The following PARG variants were observed in gnomAD, a reference collection of about 807,000 sequenced individuals.
PARG encodes the protein mitochondrial poly(ADP-ribose) glycohydrolase.
In PARG, 35 loss-of-function variants were observed where a neutral mutation model predicts 113.0. The ratio of observed to expected loss-of-function variants is 0.31; its 90% confidence interval spans 0.24 to 0.41. The LOEUF is 0.41. Ranked by LOEUF, PARG falls within the 10% of genes least tolerant of loss-of-function variation. The pLI, the probability that PARG is intolerant of heterozygous loss-of-function variation, is 1.00. For synonymous variants in PARG, 330 were observed against 409.9 expected, an observed-to-expected ratio of 0.81 and a Z score of 2.36; for missense variants, 797 against 1,169.4, an observed-to-expected ratio of 0.68 and a Z score of 4.64.
At chr10:49,929,084 TG>T (rs1303295917) in intron 4 of PARG, among the ~76,000 whole-genome samples, 1 of 152,126 alleles carries the variant, frequency 6.6e-6, no homozygotes, top group Non-Finnish European at 1.5e-5. Flanking sequence ...TCAAGGGTCC[TG>T]GGTATCTAAG....
intron 4 of PARG, among the ~76,000 whole-genome samples, chr10:49,931,527 A>G (rs1484374099): frequency 1.3e-5 from 2 of 151,972 alleles, no homozygotes; most frequent in East Asian, 3.9e-4. Context: ...GAACTGACTC[A>G]GCACAAGAGG....
chr10:49,890,830 T>C (rs1157576502), intron 7 of PARG, among the ~76,000 whole-genome samples: 9 of 152,266 alleles, frequency 5.9e-5, no homozygotes, highest in African/African-American at 1.9e-4. Flanking sequence ...TGTGCTCTAA[T>C]ATTTATGAAA....
At chr10:49,878,036 CAGT>C (rs200327974) in intron 9 of PARG, among the ~76,000 whole-genome samples, 28,750 of 151,914 alleles carry the variant, frequency 0.19, 3,206 homozygotes, top group Non-Finnish European at 0.27. Flanking sequence ...AACTGATCAC[CAGT>C]AATAAGAAGT....
At chr10:49,865,736 G>A (rs1369929404) in intron 10 of PARG, among the ~76,000 whole-genome samples, 1 of 149,420 alleles carries the variant, frequency 6.7e-6, no homozygotes, top group Non-Finnish European at 1.5e-5. Context: ...TTGAAAAAAA[G>A]GATGTATAAC....
rs572818694 is a variant in PARG, at chr10:49,819,443, C to G, written c.2828G>C (p.Cys943Ser). Residue 943 changes from cysteine (C) to serine (S), a missense_variant, in exon 18 of 18, where the codon TGT becomes TCT. This residue lies in a region of PARG where 194 missense variants were observed against 247.1 expected (regional missense o/e 0.79). Coordinates refer to ENST00000616448, the MANE Select transcript of PARG (RefSeq NM_003631.5). The stretch of plus-strand genomic sequence containing the variant: ...CTTGATGTCTGGTCCAGGGGTGGAA[C>G]AGTTTCTGCATTCTTCATTGTAGTA... The part of the protein sequence containing the change: ...LRYYNEECRN[C>S]STPGPDIKLY... 1 of 1,551,314 alleles carries G rather than the reference C, an allele frequency of 6.4e-7. No homozygotes were observed. Among genetic ancestry groups the G allele is most frequent in the South Asian group, 1.2e-5 (1 of 84,046 alleles).
rs1845555910 is a variant in PARG at position 49,847,262 on chromosome 10, T to A, written c.2354-3630A>T. Among the ~76,000 whole-genome samples the A allele has an allele frequency of 3.9e-5, 6 of 152,350 alleles. No individual in the cohort carries two copies. In the South Asian group the frequency reaches 1.0e-3, roughly 26 times the overall value. ...AGGTGAAGGTTTGATGAGGACAAGA[T>A]GTTTACAGTTTCAAAGTATATAAAA... On this transcript the variant is annotated intron_variant, in intron 13 of 17. Transcript: ENST00000616448.
In PARG at chr10:49,922,679, A is replaced by G. The variant is rs781842204; in HGVS notation, c.1456-10T>C. 8.8e-5 allele frequency: 135 copies of G among 1,536,118 alleles called. No homozygotes were observed. Among genetic ancestry groups the G allele is most frequent in the Non-Finnish European group, 1.2e-4 (133 of 1,131,174 alleles). Reference sequence around the variant, plus strand: ...CTCGCAAAAGATCTACCTGAAATTGAGGGTAAACAAAATTGTCAGTGCATA... The same window carrying G: ...CTCGCAAAAGATCTACCTGAAATTGGGGGTAAACAAAATTGTCAGTGCATA... On this transcript the variant is annotated splice_polypyrimidine_tract_variant and intron_variant, in intron 4 of 17. Transcript: ENST00000616448.
At chr10:49,869,671 A>G in intron 9 of PARG, 116 bp from the exon 10 acceptor site, 1 of 601,722 alleles carries the variant, frequency 1.7e-6, no homozygotes, top group Non-Finnish European at 3.0e-6. Context: ...CCAGAAGACA[A>G]TTCTGTAATG....
intron 16 of PARG, among the ~76,000 whole-genome samples, chr10:49,831,138 T>C (rs150873612): frequency 2.0e-5 from 3 of 152,234 alleles, no homozygotes; most frequent in African/African-American, 4.8e-5. Context: ...GTTACATACA[T>C]TGCTACTGAG....
chr10:49,934,161 A>G lies in PARG; in HGVS notation c.287T>C (p.Leu96Ser). ...KGIKTAESES[L>S]DSKENNNTRI... ...TGTATTGTTGTTTTCTTTACTATCC[A>G]AACTACAAGAGAACAGAAAGAACTA... Residue 96 changes from leucine to serine, a missense_variant and splice_region_variant, in exon 3 of 18, where the codon TTG becomes TCG. Physicochemically the swap from Leu to Ser is moderately radical, Grantham distance 145. Around this residue, in one of 5 missense-constraint regions of PARG, gnomAD observed 284 missense variants for 306.1 expected, o/e 0.93. Transcript: ENST00000616448. 2.0e-6 allele frequency: 2 copies of G among 1,008,552 alleles called. No individual in the cohort carries two copies. The highest frequency in any genetic ancestry group is 3.5e-5 in the Admixed American group (2 of 56,630). The allele number at this position is 1,008,552 out of a possible 1,614,324, so 62.5% of individuals were successfully genotyped here.
chr10:49,844,622 CAAA>C (rs34659290), intron 13 of PARG, among the ~76,000 whole-genome samples: 9 of 111,170 alleles, frequency 8.1e-5, no homozygotes, highest in African/African-American at 1.0e-4. Flanking sequence ...GACTCCATCT[CAAA>C]AAAAAAAAAA....
At position 49,868,364 on chromosome 10, in the gene PARG, T is replaced by C. The variant is rs140729228; in HGVS notation, c.2068+1112A>G. Among the ~76,000 whole-genome samples the C allele has an allele frequency of 2.4e-3, 369 of 152,322 alleles. 3 individuals are homozygous for C. The highest frequency in any genetic ancestry group is 7.8e-3 in the African/African-American group (324 of 41,574). Reference sequence around the variant, plus strand: ...TCTCATAGGTCCAAATGATTCTGCATTGTAATATTTCATTCAGTACAGGGC... The same window carrying C: ...TCTCATAGGTCCAAATGATTCTGCACTGTAATATTTCATTCAGTACAGGGC... On this transcript the variant is annotated intron_variant, in intron 10 of 17. Coordinates refer to ENST00000616448, the MANE Select transcript of PARG (RefSeq NM_003631.5).
chr10:49,922,193 T>C, intron 6 of PARG, 143 bp downstream of exon 6: 1 of 765,776 alleles, frequency 1.3e-6, no homozygotes. Context: ...TAGTAGAATG[T>C]CTCTAAGGGG....
At chr10:49,825,858 T>C (rs1489479408) in intron 16 of PARG, among the ~76,000 whole-genome samples, 1 of 152,214 alleles carries the variant, frequency 6.6e-6, no homozygotes, top group Non-Finnish European at 1.5e-5. Context: ...TAAAGCCATT[T>C]TCCAAGTCCA....
At position 49,934,064 on chromosome 10, in the gene PARG, A is replaced by T; in HGVS notation, c.384T>A (p.Asn128Lys). ...FYQHNVEKLENVSQLSLDKSP... is the reference protein window; with the variant it reads ...FYQHNVEKLEKVSQLSLDKSP... ...ACTTATCAAGACTTAGCTGAGAAAC[A>T]TTTTCTAATTTTTCTACATTATGTT... The change falls in exon 3 of 18, where the codon AAT becomes AAA. Residue 128 changes from asparagine to lysine, a missense_variant. Physicochemically the swap from Asn to Lys is moderately conservative, Grantham distance 94. Coordinates refer to ENST00000616448, the MANE Select transcript of PARG (RefSeq NM_003631.5). 6.3e-7 allele frequency: 1 copy of T among 1,577,112 alleles called. No homozygotes were observed. Among genetic ancestry groups the T allele is most frequent in the Non-Finnish European group, 8.7e-7 (1 of 1,146,324 alleles).
At chr10:49,936,287 G>T (rs1838732522) in intron 1 of PARG, among the ~76,000 whole-genome samples, 1 of 152,172 alleles carries the variant, frequency 6.6e-6, no homozygotes, top group African/African-American at 2.4e-5. Flanking sequence ...TAAGCTTTGA[G>T]CTTGAGAGAC....
At chr10:49,862,001 T>C (rs1473963335) in intron 11 of PARG, among the ~76,000 whole-genome samples, 1 of 151,998 alleles carries the variant, frequency 6.6e-6, no homozygotes, top group Non-Finnish European at 1.5e-5. Context: ...GTTGGCAATC[T>C]GAGGAAAAAT....
intron 12 of PARG, among the ~76,000 whole-genome samples, chr10:49,860,097 CAAT>C (rs757327121): frequency 4.1e-4 from 63 of 152,288 alleles, no homozygotes; most frequent in Non-Finnish European, 6.6e-4. Context: ...TGTAGCATTG[CAAT>C]ACAATATTCC....
intron 1 of PARG, 32 bp from the exon 2 acceptor site, chr10:49,935,174 T>C: frequency 1.4e-6 from 1 of 703,506 alleles, no homozygotes; most frequent in Admixed American, 2.3e-5. Flanking sequence ...CATACATTCC[T>C]TCAAATATAA....
Sources: allele counts gnomAD v4.1 joint callset (sites outside exome capture counted in the v4.1 genomes callset), GRCh38; gene constraint gnomAD v4.1.1; regional missense constraint gnomAD v4.1.1; transcripts MANE v1.5; gene names NCBI Gene and HGNC (gene_info 2026-07-23, HGNC 2026-07-21).